Variants in ARID4B observed in about 807,000 individuals in gnomAD.
ARID4B encodes the protein AT-rich interactive domain-containing protein 4B.
In ARID4B, 26 loss-of-function variants were observed where a neutral mutation model predicts 147.5. The observed-to-expected ratio is 0.18, with a 90% CI of 0.13 to 0.24. The LOEUF (loss-of-function observed/expected upper bound fraction) is 0.24, where lower values mean the gene tolerates loss of function less well. ARID4B is among the 10% of genes least tolerant of loss of function. The probability of loss-of-function intolerance (pLI) is 1.00; values close to 1 mark genes in which losing one functional copy is unlikely to be tolerated. For missense variants in ARID4B, 1,179 were observed against 1,511.5 expected, an observed-to-expected ratio of 0.78 and a Z score of 3.65; for synonymous variants, 512 against 507.9, an observed-to-expected ratio of 1.01 and a Z score of -0.11.
chr1:235,191,867 C>G (rs986135473), intron 19 of ARID4B, among the ~76,000 whole-genome samples: 1 of 152,076 alleles, frequency 6.6e-6, no homozygotes, highest in African/African-American at 2.4e-5. Context: ...TGCTTGAGTC[C>G]AGGAGTTTGA....
intron 17 of ARID4B, among the ~76,000 whole-genome samples, chr1:235,212,355 G>A (rs1666770782): frequency 6.6e-6 from 1 of 152,164 alleles, no homozygotes; most frequent in Non-Finnish European, 1.5e-5. Flanking sequence ...GTTTCTGGAT[G>A]ACTATCACAT....
intron 19 of ARID4B, chr1:235,187,250 T>C (rs1664761091): frequency 5.0e-6 from 1 of 201,962 alleles, no homozygotes; most frequent in South Asian, 6.0e-5. Context: ...CCCGGCTAAC[T>C]GTTTTCTATT....
At chr1:235,230,074 T>C (rs1483985829) in intron 10 of ARID4B, among the ~76,000 whole-genome samples, 1 of 152,186 alleles carries the variant, frequency 6.6e-6, no homozygotes, top group African/African-American at 2.4e-5. Context: ...ACTGGAGCCT[T>C]GTGGTTAAGG....
intron 2 of ARID4B, among the ~76,000 whole-genome samples, chr1:235,310,652 A>C (rs1673982838): frequency 6.6e-6 from 1 of 152,096 alleles, no homozygotes; most frequent in Admixed American, 6.5e-5. Flanking sequence ...ATAGAGATCC[A>C]TTCCAAAATT....
At chr1:235,256,171 C>A (rs1324720755) in intron 4 of ARID4B, among the ~76,000 whole-genome samples, 2 of 42,824 alleles carry the variant, frequency 4.7e-5, no homozygotes, top group Non-Finnish European at 9.9e-5. Flanking sequence ...AAGACTCTGC[C>A]TCAAAAAAAA....
chr1:235,229,628 A>C (rs1221375776), intron 10 of ARID4B, among the ~76,000 whole-genome samples: 1 of 152,250 alleles, frequency 6.6e-6, no homozygotes, highest in Non-Finnish European at 1.5e-5. Flanking sequence ...AGATTACTTA[A>C]GTTTAAATAA....
intron 7 of ARID4B, among the ~76,000 whole-genome samples, chr1:235,244,080 T>C (rs558917577): frequency 4.6e-5 from 7 of 152,300 alleles, no homozygotes; most frequent in African/African-American, 1.4e-4. Context: ...ACATGAATTA[T>C]ACACTAATTT....
At chr1:235,309,397 G>T (rs187798211) in intron 2 of ARID4B, among the ~76,000 whole-genome samples, 3 of 150,642 alleles carry the variant, frequency 2.0e-5, no homozygotes, top group African/African-American at 7.3e-5. Flanking sequence ...GTCTCTGCCC[G>T]GCAGCCACCC....
chr1:235,319,148 C>T (rs4659784), intron 2 of ARID4B, among the ~76,000 whole-genome samples: 71,099 of 151,994 alleles, frequency 0.47, 16,954 homozygotes, highest in South Asian at 0.6. Flanking sequence ...AAGAAATTAA[C>T]AAAAAAGTTT....
At chr1:235,240,137 T>C (rs1403003032) in intron 8 of ARID4B, among the ~76,000 whole-genome samples, 176 bp downstream of exon 8, 1 of 152,142 alleles carries the variant, frequency 6.6e-6, no homozygotes, top group African/African-American at 2.4e-5. Context: ...CTTTCCTGAA[T>C]GACATCAAGA....
intron 2 of ARID4B, among the ~76,000 whole-genome samples, chr1:235,289,916 A>C (rs1222164321): frequency 6.6e-6 from 1 of 151,970 alleles, no homozygotes; most frequent in Non-Finnish European, 1.5e-5. Flanking sequence ...CATAGTTTCA[A>C]CTACTTGGGA....
intron 11 of ARID4B, among the ~76,000 whole-genome samples, chr1:235,226,199 A>G (rs1377016059): frequency 6.6e-6 from 1 of 152,228 alleles, no homozygotes; most frequent in East Asian, 1.9e-4. Flanking sequence ...GTAGCTATTT[A>G]TCATCTGTTA....
chr1:235,173,975 CT>C (rs1225412910), intron 22 of ARID4B, among the ~76,000 whole-genome samples: 1 of 150,780 alleles, frequency 6.6e-6, no homozygotes, highest in African/African-American at 2.4e-5. Flanking sequence ...ATCTGCACCC[CT>C]ATCCATTCCT....
chr1:235,269,444 C>T (rs534424310), intron 2 of ARID4B, among the ~76,000 whole-genome samples: 1 of 152,268 alleles, frequency 6.6e-6, no homozygotes, highest in East Asian at 1.9e-4. Context: ...TGTGGTATAT[C>T]TGCCAAGAGT....
At chr1:235,278,407 G>A (rs1027644637) in intron 2 of ARID4B, among the ~76,000 whole-genome samples, 3 of 151,804 alleles carry the variant, frequency 2.0e-5, no homozygotes, top group African/African-American at 7.3e-5. Flanking sequence ...ACATTTCATG[G>A]CATCCCCTCC....
rs115454727 is a variant in ARID4B, at chr1:235,188,352, T to C, written c.2126-5559A>G. On this transcript the variant is annotated intron_variant, in intron 19 of 23. Transcript: ENST00000264183. ...AGCCAAAAACCAACCCAGTTTACCA[T>C]AGAAACCTCAATAATTACTGACTGC... Among the ~76,000 whole-genome samples, 825 of 152,260 alleles carry C rather than the reference T, an allele frequency of 5.4e-3. 12 individuals carry two copies. Among genetic ancestry groups the C allele is most frequent in the African/African-American group, 0.017 (726 of 41,528 alleles).
chr1:235,271,041 A>G (rs1322202599), intron 2 of ARID4B, among the ~76,000 whole-genome samples: 2 of 152,164 alleles, frequency 1.3e-5, no homozygotes, highest in Non-Finnish European at 2.9e-5. Flanking sequence ...GAGAACATTT[A>G]AAAGAGTTTG....
chr1:235,171,390 G>A (rs948076621), intron 23 of ARID4B, among the ~76,000 whole-genome samples: 1 of 151,884 alleles, frequency 6.6e-6, no homozygotes, highest in African/African-American at 2.4e-5. Flanking sequence ...CTGAGATCGC[G>A]CCACTGCACT....
intron 3 of ARID4B, 60 bp downstream of exon 3, chr1:235,260,582 A>T (rs1670231851): frequency 7.7e-7 from 1 of 1,302,092 alleles, no homozygotes; most frequent in Non-Finnish European, 1.1e-6. Flanking sequence ...ACACTCACCA[A>T]ATAAAAGTTT....
Sources: gnomAD v4.1 joint callset for allele counts (sites outside exome capture counted in the v4.1 genomes callset) on GRCh38, gnomAD v4.1.1 for gene constraint, MANE v1.5 for transcripts, NCBI Gene and HGNC (gene_info 2026-07-23, HGNC 2026-07-21) for gene names.